DHX34: variants seen among roughly 807,000 people sequenced by gnomAD.
DHX34 encodes DExH-box helicase 34, also known as probable ATP-dependent RNA helicase DHX34.
DHX34 carries 96 observed loss-of-function variants against 111.1 expected under a neutral mutation model. The observed-to-expected ratio is 0.86, with a 90% CI of 0.73 to 1.02. The LOEUF is 1.02. DHX34 is among the 50% of genes least tolerant of loss of function. DHX34 has a pLI of 0.00. For synonymous variants in DHX34, 688 were observed against 670.4 expected (o/e 1.03, Z -0.41); for missense variants, 1,560 against 1,579.9 (o/e 0.99, Z 0.21).
Position 47,353,796 on chromosome 19 carries a change from T to G in DHX34, c.705+61T>G, listed in dbSNP as rs1007771837. 1 of 1,406,366 alleles carries G rather than the reference T, an allele frequency of 7.1e-7. No individual in the cohort carries two copies. The highest frequency in any genetic ancestry group is 9.4e-7 in the Non-Finnish European group (1 of 1,059,304). 87.1% of individuals were successfully genotyped at this position (1,406,366 alleles called of 1,614,324 possible). A position where few individuals can be genotyped will look rare whatever the true frequency, so the allele number is the denominator to read the frequency against. ...CGTGACCTTGGGGGAATAGGTTGCT[T>G]GTCCATATGGCAGTATCAATAAAAA... On this transcript the variant is annotated intron_variant, in intron 2 of 16. Transcript: ENST00000328771. The surrounding 1 kb of genome is among the most constrained non-coding windows in gnomAD (Gnocchi z 4.6).
intron 8 of DHX34, 136 bp downstream of exon 8, chr19:47,373,059 C>T (rs1970021146): frequency 6.7e-6 from 8 of 1,195,344 alleles, no homozygotes; most frequent in Non-Finnish European, 7.9e-6. Flanking sequence ...ACTGGGCCTG[C>T]CTGGGGAGGG....
At chr19:47,375,839 G>A in intron 10 of DHX34, 85 bp from the exon 11 acceptor site, 1 of 1,541,812 alleles carries the variant, frequency 6.5e-7, no homozygotes, top group Non-Finnish European at 8.7e-7. Context: ...CTTGGTCCCA[G>A]GTATCTGCAG....
At chr19:47,367,922 A>G (rs948017037) in intron 7 of DHX34, among the ~76,000 whole-genome samples, 1 of 124,046 alleles carries the variant, frequency 8.1e-6, no homozygotes, top group Non-Finnish European at 1.6e-5. Context: ...AAAAGCAAAA[A>G]CAAACAGGTG....
intron 16 of DHX34, 24 bp downstream of exon 16, chr19:47,381,348 C>T (rs149442165): frequency 5.7e-5 from 91 of 1,601,470 alleles, no homozygotes; most frequent in African/African-American, 4.9e-4. Flanking sequence ...TGTGGGGACC[C>T]GGCCACCTCT....
rs1969502607 is a variant in DHX34 at position 47,357,855 on chromosome 19, T to C, written c.1018-11T>C. On this transcript the variant is annotated splice_polypyrimidine_tract_variant and intron_variant, in intron 3 of 16. Coordinates refer to ENST00000328771, the MANE Select transcript of DHX34 (RefSeq NM_014681.6). ...CAGGGTGTGCTTCTACCTGGGGCTG[T>C]CTCCTCTCAGGTTGTGTACCAGCCG... 1 of 1,607,128 alleles carries C rather than the reference T, an allele frequency of 6.2e-7. No individual in the cohort carries two copies. Among genetic ancestry groups the C allele is most frequent in the Non-Finnish European group, 8.5e-7 (1 of 1,175,116 alleles).
intron 9 of DHX34, 96 bp downstream of exon 9, chr19:47,373,796 G>C (rs1970047265): frequency 6.8e-7 from 1 of 1,461,722 alleles, no homozygotes; most frequent in African/African-American, 1.4e-5. Flanking sequence ...ACAGTGGTCA[G>C]ACCAGAATCC....
intron 9 of DHX34, chr19:47,375,231 G>T (rs1407206729): frequency 1.0e-6 from 1 of 961,286 alleles, no homozygotes; most frequent in African/African-American, 1.8e-5. Flanking sequence ...TGTGGGAAAA[G>T]GCACTGGACG....
intron 9 of DHX34, among the ~76,000 whole-genome samples, chr19:47,374,436 CAAAAA>C (rs35585186): frequency 1.1e-4 from 11 of 103,638 alleles, no homozygotes; most frequent in Admixed American, 3.1e-4. Context: ...AAACTCCACT[CAAAAA>C]AAAAAAAAAA....
intron 13 of DHX34, among the ~76,000 whole-genome samples, chr19:47,378,482 G>A (rs954260762): frequency 1.3e-5 from 2 of 152,154 alleles, no homozygotes; most frequent in Non-Finnish European, 1.5e-5. Context: ...GCGACCAGCC[G>A]GGCCGCAGGA....
chr19:47,364,479 T>A (rs1357470816), intron 6 of DHX34, among the ~76,000 whole-genome samples: 1 of 151,920 alleles, frequency 6.6e-6, no homozygotes, highest in Non-Finnish European at 1.5e-5. Context: ...GAGTGACTCA[T>A]GCCTGTTATC....
rs376628906 is a variant in DHX34 at position 47,377,254 on chromosome 19, G to A, written c.2706+48G>A. On this transcript the variant is annotated intron_variant, in intron 13 of 16. Transcript: ENST00000328771. ...CCCCATGCCCAGATATGAGAGCTGC[G>A]TTGCCCAGGGTGGTGGGTGGGGGCA... 6.0e-5 allele frequency: 93 copies of A among 1,562,844 alleles called. 1 individual carries two copies. The highest frequency in any genetic ancestry group is 3.9e-4 in the Admixed American group (21 of 54,370).
chr19:47,379,592 T>C (rs981059827), intron 13 of DHX34, 118 bp from the exon 14 acceptor site: 210 of 1,479,794 alleles, frequency 1.4e-4, no homozygotes, highest in Admixed American at 4.8e-4. Context: ...GGCGGGTAGG[T>C]GGATGCCTCA....
chr19:47,356,974 T>C (rs1969476177), intron 3 of DHX34, among the ~76,000 whole-genome samples: 1 of 152,142 alleles, frequency 6.6e-6, no homozygotes, highest in African/African-American at 2.4e-5. Flanking sequence ...AGAAATGTTT[T>C]CTAGGGTTTT....
At chr19:47,374,334 G>C (rs1326743826) in intron 9 of DHX34, among the ~76,000 whole-genome samples, 1 of 151,748 alleles carries the variant, frequency 6.6e-6, no homozygotes, top group South Asian at 2.1e-4. Context: ...CTACTTGGGA[G>C]GCTGAAGCAG....
intron 5 of DHX34, 84 bp downstream of exon 5, chr19:47,360,154 G>T: frequency 7.7e-7 from 1 of 1,306,764 alleles, no homozygotes; most frequent in Non-Finnish European, 1.1e-6. Flanking sequence ...TGGCAGGGGC[G>T]CACCAGCTTG....
In DHX34 at chr19:47,353,790, G is replaced by T; in HGVS notation, c.705+55G>T. ...TTCCAGCGTGACCTTGGGGGAATAG[G>T]TTGCTTGTCCATATGGCAGTATCAA... On this transcript the variant is annotated intron_variant, in intron 2 of 16. Transcript: ENST00000328771. This position sits in a 1 kb window ranked among gnomAD's most constrained non-coding sequence, Gnocchi z 4.6. 6.9e-7 allele frequency: 1 copy of T among 1,444,730 alleles called. No homozygotes were observed. Among genetic ancestry groups the T allele is most frequent in the Non-Finnish European group, 9.2e-7 (1 of 1,090,670 alleles). The allele number at this position is 1,444,730 out of a possible 1,614,324, so 89.5% of individuals were successfully genotyped here. A position where few individuals can be genotyped will look rare whatever the true frequency, so the allele number is the denominator to read the frequency against.
chr19:47,370,758 C>T (rs1969940013), intron 7 of DHX34, among the ~76,000 whole-genome samples: 1 of 152,166 alleles, frequency 6.6e-6, no homozygotes, highest in Non-Finnish European at 1.5e-5. Context: ...CTCACTGCAA[C>T]CTCCACCTCC....
Position 47,381,255 on chromosome 19 carries a change from C to A in DHX34, c.3229C>A (p.Pro1077Thr), listed in dbSNP as rs1368436887. 3 of 1,613,988 alleles carry A rather than the reference C, an allele frequency of 1.9e-6. No individual in the cohort carries two copies. Among genetic ancestry groups the A allele is most frequent in the Non-Finnish European group, 2.5e-6 (3 of 1,179,974 alleles). The change falls in exon 16 of 17, where the codon CCC (proline) becomes ACC (threonine). Residue 1077 changes from proline (P) to threonine (T), a missense_variant. Pro to Thr is a conservative substitution (Grantham distance 38). Transcript: ENST00000328771. Reference protein sequence around the residue: ...WTCPHCGLHAPLTPLERIAHE... With the variant: ...WTCPHCGLHATLTPLERIAHE... ...CTGCCCCCACTGTGGCCTGCATGCGCCCCTCACGCCCCTGGAGCGCATCGC... is the reference window on the plus strand; with the variant it reads ...CTGCCCCCACTGTGGCCTGCATGCGACCCTCACGCCCCTGGAGCGCATCGC...
At chr19:47,381,757 C>G in intron 16 of DHX34, 1 of 755,192 alleles carries the variant, frequency 1.3e-6, no homozygotes, top group Non-Finnish European at 1.6e-6. Flanking sequence ...GTCTCCATGT[C>G]TCTCCTTGTG....
Sources: gnomAD v4.1 joint callset for allele counts (sites outside exome capture counted in the v4.1 genomes callset) on GRCh38, gnomAD v4.1.1 for gene constraint, Gnocchi (gnomAD v3.1) non-coding constraint, MANE v1.5 for transcripts, NCBI Gene and HGNC (gene_info 2026-07-23, HGNC 2026-07-21) for gene names.